CCDC77: variants seen among roughly 807,000 people sequenced by gnomAD.
CCDC77 encodes coiled-coil domain-containing protein 77.
In CCDC77, 56 loss-of-function variants were observed where a neutral mutation model predicts 66.8. The ratio of observed to expected loss-of-function variants is 0.84; its 90% CI spans 0.68 to 1.05. CCDC77 has a LOEUF of 1.05. CCDC77 is among the 50% of genes least tolerant of loss of function. The pLI is 0.00. For missense variants in CCDC77, 570 were observed against 576.8 expected (o/e 0.99, Z 0.12); for synonymous variants, 196 against 195.2 (o/e 1.00, Z -0.03).
At chr12:401,106 T>A (rs1016575120), upstream of CCDC77, among the ~76,000 whole-genome samples, 1 of 152,210 alleles carries the variant, frequency 6.6e-6, no homozygotes, top group East Asian at 1.9e-4. Context: ...TAAAGCCCAG[T>A]GTCTTACATT....
intron 4 of CCDC77, among the ~76,000 whole-genome samples, chr12:416,909 G>A (rs11062856): frequency 1.1e-5 from 1 of 88,360 alleles, no homozygotes; most frequent in Non-Finnish European, 2.3e-5. Context: ...GGAGTTCGAG[G>A]CCGGCGGATC....
chr12:423,241 C>T (rs1388828732), intron 5 of CCDC77, among the ~76,000 whole-genome samples: 1 of 144,586 alleles, frequency 6.9e-6, no homozygotes, highest in East Asian at 2.0e-4. Context: ...CCTTGCACTT[C>T]AGCCTCCAAG....
intron 5 of CCDC77, among the ~76,000 whole-genome samples, chr12:419,053 A>G (rs550057550): frequency 1.3e-5 from 2 of 152,322 alleles, no homozygotes; most frequent in East Asian, 3.9e-4. Flanking sequence ...CTTAGGTTGT[A>G]TTCTCTAGGA....
chr12:416,389 A>G (rs1444257929), intron 4 of CCDC77, among the ~76,000 whole-genome samples: 87 of 45,258 alleles, frequency 1.9e-3, no homozygotes, highest in Non-Finnish European at 2.8e-3. Flanking sequence ...ATATATATAT[A>G]TATATATATA....
At chr12:395,093 C>G (rs1944808935) in intron 1 of CCDC77, 1 of 152,064 alleles carries the variant, frequency 6.6e-6, no homozygotes, top group Non-Finnish European at 1.5e-5. Flanking sequence ...TCTTAGTTTT[C>G]TGAGGCACGG....
chr12:418,178 G>A (rs1190424401), intron 4 of CCDC77, among the ~76,000 whole-genome samples: 1 of 152,046 alleles, frequency 6.6e-6, no homozygotes, highest in Non-Finnish European at 1.5e-5. Context: ...AATTAGCCGG[G>A]CATGGTGGCA....
At chr12:420,163 A>T (rs71215717) in intron 5 of CCDC77, among the ~76,000 whole-genome samples, 4 of 3,638 alleles carry the variant, frequency 1.1e-3, no homozygotes, top group Non-Finnish European at 1.3e-3. Context: ...ATTACAGTGC[A>T]CTTCTGTGTG....
chr12:416,337 GTGTGGGGGTGTGTGTGTGTGTGTGT>G (rs1945261369), intron 4 of CCDC77, among the ~76,000 whole-genome samples: 8 of 45,190 alleles, frequency 1.8e-4, no homozygotes, highest in East Asian at 2.7e-3. Flanking sequence ...GTCTGTGGGT[GTGTGGGGGTGTGTGTGTGTGTGTGT>G]GTGTGTGTGT....
rs1236161445 is a variant in CCDC77, at chr12:409,408, CCT to C, written c.26_27del (p.Pro9ArgfsTer47). On this transcript the variant is annotated frameshift_variant, in exon 3 of 13. Coordinates refer to ENST00000239830, the MANE Select transcript of CCDC77 (RefSeq NM_032358.4). LOFTEE classifies it high-confidence loss of function. ...CATGAACTTTACCCCAACACACACC[CCT>C]GTCTGCAGAAAGTAAGACATTTGCT... is the stretch of plus-strand genomic sequence containing the variant. MNFTPTHT[P>X]VCRKRTVVSK... The C allele has an allele frequency of 6.2e-6, 10 of 1,613,190 alleles. No homozygotes were observed. The highest frequency in any genetic ancestry group is 2.2e-5 in the East Asian group (1 of 44,876).
At chr12:439,500 A>G (rs1178111715) in intron 10 of CCDC77, among the ~76,000 whole-genome samples, 1 of 146,694 alleles carries the variant, frequency 6.8e-6, no homozygotes, top group African/African-American at 2.6e-5. Context: ...AGCCTGGGCG[A>G]CAGAGTGGGA....
intron 4 of CCDC77, 147 bp downstream of exon 4, chr12:412,125 C>T (rs553074586): frequency 1.5e-6 from 1 of 660,062 alleles, no homozygotes; most frequent in African/African-American, 1.8e-5. Flanking sequence ...CCCTTCAGGC[C>T]CTCCTTGGAT....
chr12:406,094 G>C (rs1262549356), intron 2 of CCDC77, among the ~76,000 whole-genome samples: 1 of 151,954 alleles, frequency 6.6e-6, no homozygotes, highest in Non-Finnish European at 1.5e-5. Flanking sequence ...ATTTTTTGTA[G>C]AGACAGGGTT....
upstream of CCDC77, chr12:401,471 C>A (rs1944893069): frequency 6.6e-6 from 1 of 152,230 alleles, no homozygotes. Flanking sequence ...ACTACATTTC[C>A]CAGAGACCTC....
intron 5 of CCDC77, among the ~76,000 whole-genome samples, chr12:426,552 T>G (rs1945535671): frequency 6.6e-6 from 1 of 152,190 alleles, no homozygotes; most frequent in Non-Finnish European, 1.5e-5. Context: ...TTCTGAGGCT[T>G]TCACTTAGCT....
chr12:412,213 C>G lies in CCDC77; in HGVS notation c.270+235C>G, dbSNP rs192450683. On this transcript the variant is annotated intron_variant, in intron 4 of 12. Coordinates refer to ENST00000239830, the MANE Select transcript of CCDC77 (RefSeq NM_032358.4). ...TATCTCTTATACCTAGTTCTTTCAT[C>G]TCCTTGTACCTGAGTAGTCCTTAAC... is the stretch of plus-strand genomic sequence containing the variant. Among the ~76,000 whole-genome samples the G allele has an allele frequency of 2.4e-3, 367 of 152,268 alleles. 3 individuals carry two copies. The highest frequency in any genetic ancestry group is 3.1e-3 in the Non-Finnish European group (213 of 68,024).
Position 442,029 on chromosome 12 carries a change from G to A in CCDC77, c.*109G>A. The A allele has an allele frequency of 8.6e-7, 1 of 1,164,402 alleles. No individual in the cohort carries two copies. The highest frequency in any genetic ancestry group is 1.2e-6 in the Non-Finnish European group (1 of 803,960). The allele number at this position is 1,164,402 out of a possible 1,614,324, so 72.1% of individuals were successfully genotyped here. A position where few individuals can be genotyped will look rare whatever the true frequency, so the allele number is the denominator to read the frequency against. On this transcript the variant is annotated 3_prime_UTR_variant, in exon 13 of 13. Transcript: ENST00000239830. ...TAAACCTGAGTTGACTAGAGTGGTG[G>A]TATTCATTATTGTAAAGACAGCTTG...
chr12:409,241 T>G, intron 2 of CCDC77, 127 bp from the exon 3 acceptor site: 1 of 673,440 alleles, frequency 1.5e-6, no homozygotes. Context: ...AAAAACTACA[T>G]TTTAAAACAT....
chr12:433,880 A>G (rs1306268405), intron 9 of CCDC77, among the ~76,000 whole-genome samples: 1 of 152,178 alleles, frequency 6.6e-6, no homozygotes, highest in Non-Finnish European at 1.5e-5. Flanking sequence ...AGGCAGGATT[A>G]TATTTTTTTC....
chr12:407,755 A>G lies in CCDC77; in HGVS notation c.-16-1613A>G, dbSNP rs190508327. Among the ~76,000 whole-genome samples the G allele has an allele frequency of 7.4e-3, 1,118 of 151,570 alleles. 6 individuals are homozygous for G. The highest frequency in any genetic ancestry group is 0.011 in the Non-Finnish European group (717 of 67,886). The stretch of plus-strand genomic sequence containing the variant: ...TGATTATCTCTTTTCATACTTTTAC[A>G]CAAAATTCTTTCCCAAAGGACTGAA... On this transcript the variant is annotated intron_variant, in intron 2 of 12. Transcript: ENST00000239830.
Sources: gnomAD v4.1 joint callset for allele counts (sites outside exome capture counted in the v4.1 genomes callset) on GRCh38, gnomAD v4.1.1 for gene constraint, MANE v1.5 for transcripts, NCBI Gene and HGNC (gene_info 2026-07-23, HGNC 2026-07-21) for gene names.